SPICE1: variants seen among roughly 807,000 people sequenced by gnomAD.
The protein encoded by SPICE1 is spindle and centriole-associated protein 1.
In SPICE1, 75 loss-of-function variants were observed where a neutral mutation model predicts 102.7. That is an observed-to-expected ratio of 0.73 (90% CI 0.61 to 0.88). The LOEUF (loss-of-function observed/expected upper bound fraction) is 0.88. SPICE1 is among the 40% of genes least tolerant of loss of function. The probability of loss-of-function intolerance (pLI) is 0.00; values close to 1 mark genes in which losing one functional copy is unlikely to be tolerated. For missense variants in SPICE1, 979 were observed against 1,020.1 expected, an observed-to-expected ratio of 0.96 and a Z score of 0.55; for synonymous variants, 308 against 350.3, an observed-to-expected ratio of 0.88 and a Z score of 1.35.
Position 113,510,585 on chromosome 3 carries a change from AC to A in SPICE1, c.1-3981del, listed in dbSNP as rs2107511263. 3.3e-5 allele frequency among the ~76,000 whole-genome samples: 5 copies of A among 152,242 alleles called. No individual in the cohort carries two copies. In the Middle Eastern group the frequency reaches 0.01, roughly 311 times the overall value. ...GCCATATGCAGAAAATTGAAACGGG[AC>A]CCCTTCCTTACACCATAGACAAAAA... On this transcript the variant is annotated intron_variant, in intron 1 of 17. Transcript: ENST00000295872.
At chr3:113,476,754 C>A (rs1559966521) in intron 7 of SPICE1, among the ~76,000 whole-genome samples, 1 of 150,340 alleles carries the variant, frequency 6.7e-6, no homozygotes, top group East Asian at 1.9e-4. Flanking sequence ...GAAACTGGAT[C>A]CCTTCCTTAC....
At chr3:113,446,990 T>C (rs997552942) in intron 16 of SPICE1, among the ~76,000 whole-genome samples, 3 of 152,164 alleles carry the variant, frequency 2.0e-5, no homozygotes, top group African/African-American at 7.2e-5. Context: ...TTTCCCATGC[T>C]ATTCTCGTGA....
At chr3:113,488,901 G>C in intron 7 of SPICE1, 44 bp downstream of exon 7, 1 of 1,194,700 alleles carries the variant, frequency 8.4e-7, no homozygotes, top group South Asian at 1.4e-5. Context: ...AATGGCCATG[G>C]AAAAAACCTG....
chr3:113,503,540 T>C (rs1937049676), intron 2 of SPICE1, among the ~76,000 whole-genome samples: 1 of 152,170 alleles, frequency 6.6e-6, no homozygotes, highest in South Asian at 2.1e-4. Flanking sequence ...TGGTAGTATA[T>C]ATTCAAAATG....
chr3:113,463,107 TC>T (rs567427224), intron 11 of SPICE1, among the ~76,000 whole-genome samples: 1 of 152,164 alleles, frequency 6.6e-6, no homozygotes, highest in South Asian at 2.1e-4. Context: ...CCTCGCCTCT[TC>T]CAGGTCTTGG....
In SPICE1 at chr3:113,450,523, G is replaced by GAA; in HGVS notation, c.2143-8_2143-7insTT. ...ACTGTGCTACTGGAAAAGTCTTTGG[G>GAA]AGAAAAAAAAAAAAAGTACAAATTG... is the stretch of plus-strand genomic sequence containing the variant. On this transcript the variant is annotated splice_polypyrimidine_tract_variant and splice_region_variant and intron_variant, in intron 14 of 17. Transcript: ENST00000295872. The GAA allele has an allele frequency of 2.6e-6, 4 of 1,525,262 alleles. No homozygotes were observed. Among genetic ancestry groups the GAA allele is most frequent in the Admixed American group, 2.2e-5 (1 of 46,400 alleles). The allele number at this position is 1,525,262 out of a possible 1,614,324, so 94.5% of individuals were successfully genotyped here. A position where few individuals can be genotyped will look rare whatever the true frequency, so the allele number is the denominator to read the frequency against.
rs1937294372 is a variant in SPICE1 at position 113,514,942 on chromosome 3, G to A, written c.-46C>T. On this transcript the variant is annotated 5_prime_UTR_variant, in exon 1 of 18. Transcript: ENST00000295872. ...GCCGCGGCTGCGCTTCCTGAAGTAA[G>A]GATTCCCCAACCGGGCGCCTGGATC... 5.7e-6 allele frequency: 6 copies of A among 1,045,090 alleles called. No homozygotes were observed. Among genetic ancestry groups the A allele is most frequent in the Non-Finnish European group, 7.3e-6 (6 of 818,478 alleles). The allele number at this position is 1,045,090 out of a possible 1,614,324, so 64.7% of individuals were successfully genotyped here. A position where few individuals can be genotyped will look rare whatever the true frequency, so the allele number is the denominator to read the frequency against.
intron 15 of SPICE1, 125 bp from the exon 16 acceptor site, chr3:113,448,265 A>G: frequency 1.3e-6 from 1 of 785,354 alleles, no homozygotes; most frequent in South Asian, 2.8e-5. Flanking sequence ...TTTTAATCTT[A>G]GCCCAAGATA....
chr3:113,461,190 G>A (rs1417638098), intron 11 of SPICE1, among the ~76,000 whole-genome samples: 1 of 151,648 alleles, frequency 6.6e-6, no homozygotes, highest in Non-Finnish European at 1.5e-5. Context: ...TGGTAAACAT[G>A]AACAGCACAA....
intron 4 of SPICE1, among the ~76,000 whole-genome samples, chr3:113,497,668 T>G (rs1006647234): frequency 6.9e-6 from 1 of 145,054 alleles, no homozygotes; most frequent in Non-Finnish European, 1.5e-5. Context: ...GTTATATATA[T>G]ATGCATACAT....
chr3:113,508,007 T>C (rs936648418), intron 1 of SPICE1, among the ~76,000 whole-genome samples: 3 of 152,120 alleles, frequency 2.0e-5, no homozygotes, highest in Non-Finnish European at 4.4e-5. Flanking sequence ...TTTTTCAACA[T>C]GGGTGCCAAG....
At chr3:113,476,153 G>GAGCCAAATCATGAGTGA (rs1484103639) in intron 7 of SPICE1, among the ~76,000 whole-genome samples, 2 of 151,472 alleles carry the variant, frequency 1.3e-5, no homozygotes, top group African/African-American at 4.9e-5. Context: ...AGACAAAAGA[G>GAGCCAAATCATGAGTGA]AGCCAAATCA....
chr3:113,505,373 T>C (rs969181537), intron 2 of SPICE1, among the ~76,000 whole-genome samples: 1 of 152,114 alleles, frequency 6.6e-6, no homozygotes, highest in Admixed American at 6.6e-5. Flanking sequence ...GTTATTAAAA[T>C]TTTATAGCCA....
chr3:113,489,990 T>C (rs1249085119), intron 6 of SPICE1, among the ~76,000 whole-genome samples: 1 of 152,132 alleles, frequency 6.6e-6, no homozygotes, highest in Non-Finnish European at 1.5e-5. Flanking sequence ...CCTTTCCTTG[T>C]ATCTGATGAT....
At chr3:113,485,317 A>G (rs2107486672) in intron 7 of SPICE1, among the ~76,000 whole-genome samples, 1 of 152,176 alleles carries the variant, frequency 6.6e-6, no homozygotes, top group Non-Finnish European at 1.5e-5. Flanking sequence ...CCAGCAAACT[A>G]AGATCCACTG....
At chr3:113,452,807 G>A (rs964961933) in intron 14 of SPICE1, among the ~76,000 whole-genome samples, 4 of 151,854 alleles carry the variant, frequency 2.6e-5, no homozygotes, top group African/African-American at 4.8e-5. Flanking sequence ...GTGAAACCCC[G>A]TCTCTACTAA....
intron 7 of SPICE1, among the ~76,000 whole-genome samples, chr3:113,479,445 T>C (rs1936441674): frequency 6.6e-6 from 1 of 152,006 alleles, no homozygotes; most frequent in Non-Finnish European, 1.5e-5. Flanking sequence ...TACGTGTGCA[T>C]GTGTCTTTAT....
intron 1 of SPICE1, among the ~76,000 whole-genome samples, chr3:113,513,739 T>G (rs1413745833): frequency 6.6e-6 from 1 of 152,230 alleles, no homozygotes; most frequent in African/African-American, 2.4e-5. Context: ...ACTAAAAATA[T>G]TTTTGTTCAG....
At chr3:113,497,411 GATAA>G (rs1203351006) in intron 4 of SPICE1, among the ~76,000 whole-genome samples, 1 of 152,016 alleles carries the variant, frequency 6.6e-6, no homozygotes, top group Non-Finnish European at 1.5e-5. Flanking sequence ...TAAAGCACAG[GATAA>G]ATAAATTGTG....
Sources: allele counts gnomAD v4.1 joint callset (sites outside exome capture counted in the v4.1 genomes callset), GRCh38; gene constraint gnomAD v4.1.1; transcripts MANE v1.5; gene names NCBI Gene and HGNC (gene_info 2026-07-23, HGNC 2026-07-21).